BBX: variants seen among roughly 807,000 people sequenced by gnomAD.
BBX encodes HMG box transcription factor BBX.
Under a neutral mutation model 100.2 loss-of-function variants are expected in BBX, and 30 were observed. The ratio of observed to expected loss-of-function variants is 0.30; its 90% CI spans 0.22 to 0.41. The LOEUF (loss-of-function observed/expected upper bound fraction) is 0.41, where lower values mean the gene tolerates loss of function less well. BBX is among the 10% of genes least tolerant of loss of function. The pLI is 1.00. For missense variants in BBX, 1,023 were observed against 1,129.8 expected, an observed-to-expected ratio of 0.91 and a Z score of 1.35; for synonymous variants, 376 against 388.1, an observed-to-expected ratio of 0.97 and a Z score of 0.37.
Position 107,619,784 on chromosome 3 carries a change from G to T in BBX, c.-83-26052G>T, listed in dbSNP as rs1339682896. Reference sequence around the variant, plus strand: ...TGTGTCATTCCTTCTGACCTCTGTGGTTTCTAATGAGGAATCTGTCATTTG... The same window carrying T: ...TGTGTCATTCCTTCTGACCTCTGTGTTTTCTAATGAGGAATCTGTCATTTG... On this transcript the variant is annotated intron_variant, in intron 2 of 17. Coordinates refer to ENST00000325805, the MANE Select transcript of BBX (RefSeq NM_001142568.3). Among the ~76,000 whole-genome samples the T allele has an allele frequency of 2.0e-5, 3 of 152,048 alleles. No homozygotes were observed. In the East Asian group the frequency reaches 5.8e-4, roughly 29 times the overall value.
rs2107931259 is a variant in BBX, at chr3:107,673,121, C to G, written c.-10+27212C>G. ...ATTTTGAATGAAGTAAAGTAGGAGT[C>G]CAAAATGAATAGAAGATTATTCCTA... On this transcript the variant is annotated intron_variant, in intron 3 of 17. Transcript: ENST00000325805. Among the ~76,000 whole-genome samples, 2 of 151,840 alleles carry G rather than the reference C, an allele frequency of 1.3e-5. 1 individual carries two copies. Among genetic ancestry groups the G allele is most frequent in the Non-Finnish European group, 2.9e-5 (2 of 67,858 alleles).
intron 10 of BBX, 131 bp downstream of exon 10, chr3:107,755,809 G>T (rs1018799498): frequency 1.3e-5 from 10 of 768,974 alleles, no homozygotes; most frequent in African/African-American, 1.7e-5. Context: ...TTTCAACAAT[G>T]AGAGGGTTAA....
chr3:107,763,196 G>A (rs948791962), intron 10 of BBX, among the ~76,000 whole-genome samples: 9 of 150,938 alleles, frequency 6.0e-5, no homozygotes, highest in African/African-American at 2.2e-4. Flanking sequence ...CAGTTAAATG[G>A]TTTCTGCTTC....
chr3:107,583,204 T>G (rs907608430), intron 2 of BBX, among the ~76,000 whole-genome samples: 1 of 152,138 alleles, frequency 6.6e-6, no homozygotes, highest in East Asian at 1.9e-4. Flanking sequence ...AGTGTTTTTT[T>G]AAGGCTTATA....
At chr3:107,743,918 G>GTTTTTTT (rs34762783) in intron 7 of BBX, among the ~76,000 whole-genome samples, 10 of 56,620 alleles carry the variant, frequency 1.8e-4, no homozygotes, top group Non-Finnish European at 2.1e-4. Flanking sequence ...TGTTTTAGTG[G>GTTTTTTT]TTTTTTTTTT....
intron 8 of BBX, among the ~76,000 whole-genome samples, chr3:107,745,574 G>T (rs1448994927): frequency 2.0e-5 from 3 of 151,968 alleles, no homozygotes; most frequent in African/African-American, 7.2e-5. Context: ...GGATCCGCTT[G>T]TCTCAGCCTC....
intron 2 of BBX, among the ~76,000 whole-genome samples, chr3:107,617,820 T>TAGTTTTG: frequency 6.6e-6 from 1 of 152,086 alleles, no homozygotes; most frequent in African/African-American, 2.4e-5. Flanking sequence ...GTATAGATTA[T>TAGTTTTG]CATGTCATCT....
At chr3:107,715,292 T>C (rs893667001) in intron 4 of BBX, among the ~76,000 whole-genome samples, 3 of 152,168 alleles carry the variant, frequency 2.0e-5, no homozygotes, top group Non-Finnish European at 1.5e-5. Flanking sequence ...TACCTCAGAA[T>C]TGGAAACTCT....
chr3:107,654,340 A>G (rs1357481622), intron 3 of BBX, among the ~76,000 whole-genome samples: 1 of 152,176 alleles, frequency 6.6e-6, no homozygotes, highest in African/African-American at 2.4e-5. Context: ...CAAAAGATAT[A>G]TCTTTCTAAT....
chr3:107,783,238 T>C (rs757083518), intron 13 of BBX, among the ~76,000 whole-genome samples: 4 of 152,120 alleles, frequency 2.6e-5, no homozygotes, highest in African/African-American at 7.2e-5. Context: ...TTTTCGAGTT[T>C]GTCACTTTCT....
chr3:107,805,804 G>C lies in BBX; in HGVS notation c.*347G>C, dbSNP rs1476244046. The C allele has an allele frequency of 6.7e-6, 2 of 300,246 alleles. No homozygotes were observed. The allele number at this position is 300,246 out of a possible 1,614,324, so 18.6% of individuals were successfully genotyped here. A position where few individuals can be genotyped will look rare whatever the true frequency, so the allele number is the denominator to read the frequency against. On this transcript the variant is annotated 3_prime_UTR_variant, in exon 18 of 18. Coordinates refer to ENST00000325805, the MANE Select transcript of BBX (RefSeq NM_001142568.3). ...GCATCTCTTTTACCAACCAGAGAGTGTGAAACTAGTTTCATATATTACCTA... is the reference window on the plus strand; with the variant it reads ...GCATCTCTTTTACCAACCAGAGAGTCTGAAACTAGTTTCATATATTACCTA...
chr3:107,760,936 C>T (rs765078731), intron 10 of BBX, among the ~76,000 whole-genome samples: 1 of 152,188 alleles, frequency 6.6e-6, no homozygotes, highest in African/African-American at 2.4e-5. Flanking sequence ...CTGGAGACAT[C>T]AAGCTAGCCT....
At chr3:107,673,846 A>G (rs1024882646) in intron 3 of BBX, among the ~76,000 whole-genome samples, 1 of 152,188 alleles carries the variant, frequency 6.6e-6, no homozygotes. Flanking sequence ...GTATAAACAC[A>G]TACCTTTTCC....
At chr3:107,797,078 C>G (rs2069756577) in intron 15 of BBX, among the ~76,000 whole-genome samples, 2 of 151,928 alleles carry the variant, frequency 1.3e-5, no homozygotes, top group Admixed American at 1.3e-4. Flanking sequence ...TTATTTCCCA[C>G]TTGTTTAGGA....
chr3:107,588,313 G>A (rs1234605873), intron 2 of BBX, among the ~76,000 whole-genome samples: 2 of 150,588 alleles, frequency 1.3e-5, no homozygotes, highest in East Asian at 4.0e-4. Flanking sequence ...TGAGGGCTGT[G>A]TGAACAACAT....
chr3:107,590,229 A>G (rs1182594082), intron 2 of BBX, among the ~76,000 whole-genome samples: 1 of 152,140 alleles, frequency 6.6e-6, no homozygotes, highest in Non-Finnish European at 1.5e-5. Flanking sequence ...GCAGAAATTT[A>G]TATGTATTTA....
chr3:107,684,849 G>A (rs2059758925), intron 3 of BBX: 1 of 152,184 alleles, frequency 6.6e-6, no homozygotes, highest in Non-Finnish European at 1.5e-5. Flanking sequence ...ATGTTGATAG[G>A]CCACTTCCTG....
At chr3:107,629,573 A>G (rs1451763568) in intron 2 of BBX, among the ~76,000 whole-genome samples, 1 of 151,936 alleles carries the variant, frequency 6.6e-6, no homozygotes, top group Non-Finnish European at 1.5e-5. Context: ...ACTTTTGGCC[A>G]TGGGATATGT....
intron 8 of BBX, among the ~76,000 whole-genome samples, chr3:107,746,500 G>A (rs1309452773): frequency 4.6e-5 from 7 of 152,100 alleles, no homozygotes; most frequent in Non-Finnish European, 1.0e-4. Context: ...GTTGATATTT[G>A]TTCTTCTTAC....
Sources: gnomAD v4.1 joint callset for allele counts (sites outside exome capture counted in the v4.1 genomes callset) on GRCh38, gnomAD v4.1.1 for gene constraint, MANE v1.5 for transcripts, NCBI Gene and HGNC (gene_info 2026-07-23, HGNC 2026-07-21) for gene names.